SHANK2: variants seen among roughly 807,000 people sequenced by gnomAD.
SHANK2 encodes SH3 and multiple ankyrin repeat domains protein 2.
A neutral mutation model predicts 133.7 loss-of-function variants in SHANK2; 43 were observed. That is an observed-to-expected ratio of 0.32 (90% CI 0.25 to 0.41). The LOEUF is 0.41. Ranked by LOEUF, SHANK2 falls within the 10% of genes least tolerant of loss-of-function variation. SHANK2 has a pLI of 1.00. For synonymous variants in SHANK2, 1,017 were observed against 952.8 expected, an observed-to-expected ratio of 1.07 and a Z score of -1.24; for missense variants, 1,994 against 2,235.8, an observed-to-expected ratio of 0.89 and a Z score of 2.18.
rs373678926 is a variant in SHANK2 at position 70,698,562 on chromosome 11, G to A, written c.1853+126C>T. ...ATGGTGGCTTCCATAGTCCTAGCCC[G>A]GTAACAGGCACAGGGAGGCAGACAC... is the stretch of plus-strand genomic sequence containing the variant. On this transcript the variant is annotated intron_variant, in intron 15 of 25. Coordinates refer to ENST00000601538, the MANE Select transcript of SHANK2 (RefSeq NM_012309.5). 4.2e-5 allele frequency: 29 copies of A among 695,500 alleles called. No individual in the cohort carries two copies. The East Asian group carries it at 5.9e-4, about 14-fold the overall frequency. 43.1% of individuals were successfully genotyped at this position (695,500 alleles called of 1,614,324 possible).
intron 5 of SHANK2, among the ~76,000 whole-genome samples, chr11:71,110,873 T>G (rs1036436115): frequency 5.3e-5 from 8 of 152,354 alleles, no homozygotes; most frequent in Non-Finnish European, 1.2e-4. Flanking sequence ...AATGTAATAG[T>G]ATGGAGAGGT....
chr11:70,522,996 T>C (rs1314778001), intron 17 of SHANK2, among the ~76,000 whole-genome samples: 2 of 152,206 alleles, frequency 1.3e-5, no homozygotes, highest in African/African-American at 4.8e-5. Flanking sequence ...TTGAAAAATG[T>C]TTACACACAG....
intron 17 of SHANK2, among the ~76,000 whole-genome samples, chr11:70,615,631 C>T (rs896795951): frequency 1.1e-4 from 16 of 152,166 alleles, no homozygotes; most frequent in Admixed American, 3.9e-4. Context: ...TTGTCCCTTG[C>T]TGCATATCTG....
intron 24 of SHANK2, among the ~76,000 whole-genome samples, chr11:70,488,383 T>C (rs1226288946): frequency 2.6e-5 from 4 of 152,210 alleles, no homozygotes; most frequent in Non-Finnish European, 4.4e-5. Context: ...AGCGAAGCCA[T>C]CTGCCCACGG....
chr11:70,557,701 AG>A, intron 17 of SHANK2, among the ~76,000 whole-genome samples: 1 of 152,282 alleles, frequency 6.6e-6, no homozygotes, highest in East Asian at 1.9e-4. Context: ...ACAAGCAGAA[AG>A]CCCCCTGACC....
chr11:70,507,275 T>G (rs1339998680), intron 17 of SHANK2, among the ~76,000 whole-genome samples: 1 of 152,206 alleles, frequency 6.6e-6, no homozygotes, highest in African/African-American at 2.4e-5. Flanking sequence ...ATCACTGCCT[T>G]TGATGCCATC....
chr11:70,500,706 G>A lies in SHANK2; in HGVS notation c.2288-116C>T, dbSNP rs2059037818. The A allele has an allele frequency of 1.4e-6, 2 of 1,387,150 alleles. No homozygotes were observed. The highest frequency in any genetic ancestry group is 1.4e-5 in the African/African-American group (1 of 69,808). 85.9% of individuals were successfully genotyped at this position (1,387,150 alleles called of 1,614,324 possible). A position where few individuals can be genotyped will look rare whatever the true frequency, so the allele number is the denominator to read the frequency against. On this transcript the variant is annotated intron_variant, in intron 20 of 25. Coordinates refer to ENST00000601538, the MANE Select transcript of SHANK2 (RefSeq NM_012309.5). This position sits in a 1 kb window ranked among gnomAD's most constrained non-coding sequence, Gnocchi z 4.5. The stretch of plus-strand genomic sequence containing the variant: ...AGGAGCAGGCTGGGCCGGCAATGGG[G>A]CGGCAGGCAGGGGCTGTCTGGAACG...
chr11:70,621,069 G>T (rs1163450674), intron 17 of SHANK2, among the ~76,000 whole-genome samples: 3 of 152,186 alleles, frequency 2.0e-5, no homozygotes, highest in African/African-American at 7.2e-5. Context: ...TGCCTCAAAG[G>T]CTGTGGGGGC....
At chr11:71,151,919 A>G (rs1383003461) in intron 2 of SHANK2, among the ~76,000 whole-genome samples, 4 of 151,884 alleles carry the variant, frequency 2.6e-5, no homozygotes, top group African/African-American at 9.7e-5. Flanking sequence ...GACGCCCACA[A>G]GAGCAGTCAG....
At chr11:70,870,401 A>T (rs1423895049) in intron 11 of SHANK2, among the ~76,000 whole-genome samples, 8 of 152,300 alleles carry the variant, frequency 5.3e-5, no homozygotes, top group African/African-American at 1.9e-4. Flanking sequence ...GGAAAGATCT[A>T]GGAAGGTTTT....
Position 70,485,559 on chromosome 11 carries a change from G to T in SHANK2, c.4734C>A (p.Pro1578=), listed in dbSNP as rs1215524893. The change falls in exon 25 of 26, where the codon CCC becomes CCA. Residue 1578 remains proline (P), a synonymous_variant. Coordinates refer to ENST00000601538, the MANE Select transcript of SHANK2 (RefSeq NM_012309.5). The surrounding 1 kb of genome is among the most constrained non-coding windows in gnomAD (Gnocchi z 5.8). ...CCGGCGGGGGCGGGGGAGCGGGCGGGGGGATAACAAAGCTATCTACATCTT... is the reference window on the plus strand; with the variant it reads ...CCGGCGGGGGCGGGGGAGCGGGCGGTGGGATAACAAAGCTATCTACATCTT... The part of the protein sequence containing the change: ...VEEDVDSFVI[P]PPAPPPPPGS... The T allele has an allele frequency of 6.2e-7, 1 of 1,613,120 alleles. No individual in the cohort carries two copies. Among genetic ancestry groups the T allele is most frequent in the East Asian group, 2.2e-5 (1 of 44,886 alleles).
rs559782753 is a variant in SHANK2, at chr11:70,804,722, C to T, written c.1663+2280G>A. 1.3e-5 allele frequency among the ~76,000 whole-genome samples: 2 copies of T among 152,142 alleles called. No homozygotes were observed. Among genetic ancestry groups the T allele is most frequent in the East Asian group, 1.9e-4 (1 of 5,172 alleles). The stretch of plus-strand genomic sequence containing the variant: ...CCCAGGGAGTTGGACAGGGGAAGGC[C>T]CCCCCAGAGCTTCTGGGAATTAAGG... On this transcript the variant is annotated intron_variant, in intron 13 of 25. Coordinates refer to ENST00000601538, the MANE Select transcript of SHANK2 (RefSeq NM_012309.5). This position sits in a 1 kb window ranked among gnomAD's most constrained non-coding sequence, Gnocchi z 4.1.
At chr11:71,088,280 A>G (rs1172922606) in intron 8 of SHANK2, among the ~76,000 whole-genome samples, 1 of 152,150 alleles carries the variant, frequency 6.6e-6, no homozygotes, top group Non-Finnish European at 1.5e-5. Context: ...ATTCTTCAAA[A>G]TACTATTTTA....
intron 3 of SHANK2, among the ~76,000 whole-genome samples, chr11:71,131,566 G>C (rs1952308615): frequency 6.6e-6 from 1 of 152,198 alleles, no homozygotes; most frequent in Non-Finnish European, 1.5e-5. Context: ...CTCTGCTATT[G>C]TCAAGGTGAT....
chr11:70,549,510 G>T (rs1280650483), intron 17 of SHANK2, among the ~76,000 whole-genome samples: 3 of 152,240 alleles, frequency 2.0e-5, no homozygotes, highest in Admixed American at 2.0e-4. Flanking sequence ...CATTTGCGAA[G>T]CGAGGTTGCT....
intron 4 of SHANK2, among the ~76,000 whole-genome samples, chr11:71,115,191 G>C (rs566009788): frequency 1.3e-5 from 2 of 152,160 alleles, no homozygotes; most frequent in East Asian, 1.9e-4. Flanking sequence ...AATTTTGGCC[G>C]GGCGTGGTGG....
chr11:70,830,537 C>T lies in SHANK2; in HGVS notation c.1175-9855G>A, dbSNP rs535331571. ...CCTTGGAGAGCTGGGGAAGCAGAGGCGGGTGCACAGCCTCCCGCAGAACTC... is the reference window on the plus strand; with the variant it reads ...CCTTGGAGAGCTGGGGAAGCAGAGGTGGGTGCACAGCCTCCCGCAGAACTC... On this transcript the variant is annotated intron_variant, in intron 11 of 25. Transcript: ENST00000601538. The surrounding 1 kb of genome is among the most constrained non-coding windows in gnomAD (Gnocchi z 4.4). 1.2e-3 allele frequency among the ~76,000 whole-genome samples: 182 copies of T among 152,334 alleles called. 1 individual carries two copies. Among genetic ancestry groups the T allele is most frequent in the African/African-American group, 3.8e-3 (159 of 41,580 alleles).
At chr11:70,749,244 A>G (rs918558839) in intron 14 of SHANK2, among the ~76,000 whole-genome samples, 40 of 152,216 alleles carry the variant, frequency 2.6e-4, no homozygotes, top group Non-Finnish European at 2.9e-5. Context: ...GAGAAGAGCC[A>G]GAGGAAGGGA....
intron 17 of SHANK2, among the ~76,000 whole-genome samples, chr11:70,542,945 C>T (rs532104915): frequency 6.6e-6 from 1 of 152,208 alleles, no homozygotes; most frequent in South Asian, 2.1e-4. Context: ...GGAAGGGGGC[C>T]CCCCCGGGAC....
Sources: allele counts gnomAD v4.1 joint callset (sites outside exome capture counted in the v4.1 genomes callset), GRCh38; gene constraint gnomAD v4.1.1; non-coding constraint Gnocchi (gnomAD v3.1); transcripts MANE v1.5; gene names NCBI Gene and HGNC (gene_info 2026-07-23, HGNC 2026-07-21).